KCNC2: variants seen among roughly 807,000 people sequenced by gnomAD.
KCNC2 encodes voltage-gated potassium channel KCNC2.
A neutral mutation model predicts 44.5 loss-of-function variants in KCNC2; 21 were observed. The ratio of observed to expected loss-of-function variants is 0.47; its 90% CI spans 0.33 to 0.68. The LOEUF is 0.68. KCNC2 is among the 30% of genes least tolerant of loss of function. The pLI, the probability that KCNC2 is intolerant of heterozygous loss-of-function variation, is 0.01. For synonymous variants in KCNC2, 391 were observed against 339.1 expected, an observed-to-expected ratio of 1.15 and a Z score of -1.68; for missense variants, 589 against 826.2, an observed-to-expected ratio of 0.71 and a Z score of 3.52.
intron 2 of KCNC2, among the ~76,000 whole-genome samples, chr12:75,067,845 C>T (rs939940290): frequency 2.6e-5 from 4 of 151,820 alleles, no homozygotes; most frequent in Admixed American, 2.6e-4. Flanking sequence ...TTCTCTATTC[C>T]CCCACTCCTT....
At position 75,207,959 on chromosome 12, in the gene KCNC2, T is replaced by G. The variant is rs1467340026; in HGVS notation, c.25A>C (p.Arg9=). MGKIENNE[R]VILNVGGTRH... ...GTGCCCCCGACATTGAGGATCACCCTCTCGTTGTTCTCGATCTTGCCCATC... is the reference window on the plus strand; with the variant it reads ...GTGCCCCCGACATTGAGGATCACCCGCTCGTTGTTCTCGATCTTGCCCATC... Residue 9 remains arginine (R), a synonymous_variant, in exon 2 of 5, where the codon AGG becomes CGG. Transcript: ENST00000549446. The surrounding 1 kb of genome is among the most constrained non-coding windows in gnomAD (Gnocchi z 4.1). The G allele has an allele frequency of 6.2e-7, 1 of 1,612,540 alleles. No homozygotes were observed. The highest frequency in any genetic ancestry group is 2.2e-5 in the East Asian group (1 of 44,774).
intron 2 of KCNC2, among the ~76,000 whole-genome samples, chr12:75,077,491 A>G (rs1884101182): frequency 1.3e-5 from 2 of 152,212 alleles, no homozygotes; most frequent in African/African-American, 4.8e-5. Flanking sequence ...CATAATTGAG[A>G]AAAACAAGGT....
At chr12:75,185,539 G>A (rs1329303481) in intron 2 of KCNC2, among the ~76,000 whole-genome samples, 3 of 151,456 alleles carry the variant, frequency 2.0e-5, no homozygotes, top group African/African-American at 7.3e-5. Context: ...TTATGTTATG[G>A]GATGACACAA....
At chr12:75,091,996 C>T (rs991294554) in intron 2 of KCNC2, among the ~76,000 whole-genome samples, 56 of 151,380 alleles carry the variant, frequency 3.7e-4, no homozygotes, top group African/African-American at 1.3e-3. Context: ...TTCTGATTTC[C>T]CTTAAATATC....
chr12:75,142,422 T>C (rs1889719523), intron 2 of KCNC2, among the ~76,000 whole-genome samples: 3 of 152,354 alleles, frequency 2.0e-5, no homozygotes, highest in Non-Finnish European at 4.4e-5. Context: ...TAAACAGTTT[T>C]TGAAGCCCTC....
At chr12:75,055,275 T>C (rs914167537) in intron 2 of KCNC2, among the ~76,000 whole-genome samples, 5 of 151,956 alleles carry the variant, frequency 3.3e-5, no homozygotes, top group Non-Finnish European at 4.4e-5. Flanking sequence ...TAAAATGATA[T>C]GAATAAAAGG....
intron 2 of KCNC2, among the ~76,000 whole-genome samples, chr12:75,189,799 A>T (rs1366757087): frequency 6.6e-6 from 1 of 152,216 alleles, no homozygotes; most frequent in African/African-American, 2.4e-5. Flanking sequence ...TTACAGTCAA[A>T]GCAGCAATAG....
At chr12:75,157,012 ACAAT>A (rs1890807758) in intron 2 of KCNC2, among the ~76,000 whole-genome samples, 1 of 151,886 alleles carries the variant, frequency 6.6e-6, no homozygotes, top group South Asian at 2.1e-4. Flanking sequence ...TAATCTGGGA[ACAAT>A]CCCAAGTACT....
At chr12:75,101,116 C>T (rs553449183) in intron 2 of KCNC2, among the ~76,000 whole-genome samples, 18 of 152,134 alleles carry the variant, frequency 1.2e-4, no homozygotes, top group East Asian at 3.9e-4. Context: ...TTAGGCCTCC[C>T]GTCTTGGGAT....
chr12:75,059,913 C>T (rs929675475), intron 2 of KCNC2, among the ~76,000 whole-genome samples: 2 of 152,104 alleles, frequency 1.3e-5, no homozygotes, highest in Non-Finnish European at 2.9e-5. Flanking sequence ...ATCTCATCTA[C>T]TTCCATGAAT....
chr12:75,145,154 G>A (rs542051400), intron 2 of KCNC2, among the ~76,000 whole-genome samples: 22 of 151,778 alleles, frequency 1.4e-4, no homozygotes, highest in East Asian at 3.9e-4. Context: ...CAATTTTCCC[G>A]TTCCCAAGCT....
At position 75,077,700 on chromosome 12, in the gene KCNC2, T is replaced by A. The variant is rs576118982; in HGVS notation, c.688-26383A>T. 3.3e-5 allele frequency among the ~76,000 whole-genome samples: 5 copies of A among 150,796 alleles called. No individual in the cohort carries two copies. In the South Asian group the frequency reaches 6.2e-4, roughly 19 times the overall value. ...TCTTAGAAGAGAGACCTAAGCAATG[T>A]AGGACCTATTCAGTGAGTAATGTCC... On this transcript the variant is annotated intron_variant, in intron 2 of 4. Coordinates refer to ENST00000549446, the MANE Select transcript of KCNC2 (RefSeq NM_139137.4).
chr12:75,095,128 G>A (rs888849234), intron 2 of KCNC2, among the ~76,000 whole-genome samples: 7 of 151,768 alleles, frequency 4.6e-5, no homozygotes, highest in Admixed American at 2.0e-4. Context: ...TGATAACAGA[G>A]AAACTGTAAG....
At chr12:75,081,804 C>T (rs1358133586) in intron 2 of KCNC2, among the ~76,000 whole-genome samples, 1 of 152,014 alleles carries the variant, frequency 6.6e-6, no homozygotes, top group African/African-American at 2.4e-5. Context: ...ACATCTGCTA[C>T]GTTTAGAAAA....
In KCNC2 at chr12:75,042,213, T is replaced by A; in HGVS notation, c.*892A>T. ...TGATGACAAACCCTGGGTATTTTTT[T>A]TTTTTAAAGAGTCTAGAACCAAGCA... is the stretch of plus-strand genomic sequence containing the variant. On this transcript the variant is annotated 3_prime_UTR_variant, in exon 5 of 5. Coordinates refer to ENST00000549446, the MANE Select transcript of KCNC2 (RefSeq NM_139137.4). The A allele has an allele frequency of 7.2e-7, 1 of 1,387,586 alleles. No homozygotes were observed. The highest frequency in any genetic ancestry group is 1.5e-5 in the African/African-American group (1 of 67,324). 86.0% of individuals were successfully genotyped at this position (1,387,586 alleles called of 1,614,324 possible).
intron 2 of KCNC2, among the ~76,000 whole-genome samples, chr12:75,201,086 G>A (rs2031206600): frequency 6.6e-6 from 1 of 151,130 alleles, no homozygotes; most frequent in African/African-American, 2.4e-5. Context: ...ACATCTTCAT[G>A]GGTTTCATGA....
chr12:75,132,238 T>C lies in KCNC2; in HGVS notation c.687+75059A>G, dbSNP rs531462049. Among the ~76,000 whole-genome samples the C allele has an allele frequency of 6.6e-5, 10 of 152,198 alleles. No individual in the cohort carries two copies. In the South Asian group the frequency reaches 1.2e-3, roughly 19 times the overall value. On this transcript the variant is annotated intron_variant, in intron 2 of 4. Transcript: ENST00000549446. The stretch of plus-strand genomic sequence containing the variant: ...CTTGGTATATGATATTTATAATAAA[T>C]ATAAAAAAATTAGCTATTTCTATTG...
chr12:75,130,148 C>T (rs1471437805), intron 2 of KCNC2, among the ~76,000 whole-genome samples: 1 of 151,968 alleles, frequency 6.6e-6, no homozygotes, highest in Non-Finnish European at 1.5e-5. Flanking sequence ...GTATAATTTC[C>T]CAAAGAGATT....
chr12:75,118,757 T>A (rs1355467901), intron 2 of KCNC2, among the ~76,000 whole-genome samples: 1 of 152,144 alleles, frequency 6.6e-6, no homozygotes, highest in Non-Finnish European at 1.5e-5. Context: ...GGTAACAAAG[T>A]GACAGAAAAA....
Sources: allele counts gnomAD v4.1 joint callset (sites outside exome capture counted in the v4.1 genomes callset), GRCh38; gene constraint gnomAD v4.1.1; non-coding constraint Gnocchi (gnomAD v3.1); transcripts MANE v1.5; gene names NCBI Gene and HGNC (gene_info 2026-07-23, HGNC 2026-07-21).